Variants in TAB2 observed in about 807,000 individuals in gnomAD.
The protein encoded by TAB2 is TGF-beta-activated kinase 1 and MAP3K7-binding protein 2.
TAB2 carries 3 observed loss-of-function variants against 65.0 expected under a neutral mutation model. That is an observed-to-expected ratio of 0.05 (90% CI 0.02 to 0.12). The LOEUF (loss-of-function observed/expected upper bound fraction) is 0.12, where lower values mean the gene tolerates loss of function less well. Among genes scored for constraint, TAB2 ranks in the 10% least tolerant of loss-of-function variants. The probability of loss-of-function intolerance (pLI) is 1.00; values close to 1 mark genes in which losing one functional copy is unlikely to be tolerated. For missense variants in TAB2, 623 were observed against 840.3 expected (o/e 0.74, Z 3.20); for synonymous variants, 298 against 285.1 (o/e 1.05, Z -0.46).
chr6:149,240,201 A>G (rs557767709), intron 1 of TAB2, among the ~76,000 whole-genome samples: 6 of 152,218 alleles, frequency 3.9e-5, no homozygotes, highest in African/African-American at 1.4e-4. Flanking sequence ...GGCCTTACCC[A>G]TGTAATCTGA....
rs1777255263 is a variant in TAB2, at chr6:149,225,739, A to G, written c.-121+6963A>G. Among the ~76,000 whole-genome samples the G allele has an allele frequency of 3.3e-5, 5 of 152,290 alleles. No individual in the cohort carries two copies. In the South Asian group the frequency reaches 1.0e-3, roughly 32 times the overall value. ...TATAAAAATCACGAGGCAGTCGGTG[A>G]AAAGCAGCCATTCTTCCTGCTGGAG... On this transcript the variant is annotated intron_variant, in intron 1 of 1. Transcript: ENST00000606202.
chr6:149,242,622 T>C (rs1339891460), intron 1 of TAB2, among the ~76,000 whole-genome samples: 1 of 152,196 alleles, frequency 6.6e-6, no homozygotes, highest in East Asian at 1.9e-4. Context: ...TAAGAGAATT[T>C]CGATGTGAGA....
chr6:149,229,750 A>G (rs1288371528), intron 1 of TAB2, among the ~76,000 whole-genome samples: 1 of 152,134 alleles, frequency 6.6e-6, no homozygotes, highest in African/African-American at 2.4e-5. Flanking sequence ...GCAAGTCCTC[A>G]TCTTAAGTTT....
At chr6:149,287,898 T>C (rs893445769) in intron 1 of TAB2, among the ~76,000 whole-genome samples, 9 of 152,224 alleles carry the variant, frequency 5.9e-5, no homozygotes, top group Non-Finnish European at 4.4e-5. Flanking sequence ...TGGCAAAGCT[T>C]CACTAAATCG....
At chr6:149,406,636 A>C (rs1400997474) in intron 6 of TAB2, among the ~76,000 whole-genome samples, 2 of 152,202 alleles carry the variant, frequency 1.3e-5, no homozygotes, top group East Asian at 3.8e-4. Flanking sequence ...ACTGGTCTTT[A>C]GTTTGTTACA....
At chr6:149,319,446 A>G (rs1461673973) in intron 1 of TAB2, among the ~76,000 whole-genome samples, 1 of 152,246 alleles carries the variant, frequency 6.6e-6, no homozygotes, top group African/African-American at 2.4e-5. Context: ...GCTTTGGCTG[A>G]GCATTTTAAT....
At chr6:149,250,101 G>A (rs938113856) in intron 1 of TAB2, among the ~76,000 whole-genome samples, 1 of 152,042 alleles carries the variant, frequency 6.6e-6, no homozygotes, top group African/African-American at 2.4e-5. Context: ...AATAATAAAG[G>A]ACTGTGTGGC....
chr6:149,297,101 C>T (rs1312015584), intron 1 of TAB2, among the ~76,000 whole-genome samples: 2 of 151,938 alleles, frequency 1.3e-5, no homozygotes, highest in African/African-American at 4.8e-5. Context: ...CTCCTTCCTT[C>T]CCTCTCTTCT....
In TAB2 at chr6:149,371,509, A is replaced by T. The variant is rs190776553; in HGVS notation, c.102+1410A>T. On this transcript the variant is annotated intron_variant, in intron 2 of 6. Transcript: ENST00000637181. Reference sequence around the variant, plus strand: ...CACCAGCAATGCCTTTTCTTATAGTATAATGGTTAAGAGCATATCTTTTGG... The same window carrying T: ...CACCAGCAATGCCTTTTCTTATAGTTTAATGGTTAAGAGCATATCTTTTGG... 7.4e-4 allele frequency among the ~76,000 whole-genome samples: 112 copies of T among 152,330 alleles called. 2 individuals carry two copies. The highest frequency in any genetic ancestry group is 7.3e-3 in the Admixed American group (111 of 15,308).
chr6:149,407,643 C>G (rs1292470216), intron 6 of TAB2, among the ~76,000 whole-genome samples: 1 of 152,026 alleles, frequency 6.6e-6, no homozygotes, highest in Non-Finnish European at 1.5e-5. Context: ...GAAATTTAGT[C>G]CTTGAAGTCA....
chr6:149,248,260 C>T (rs1023395807), intron 1 of TAB2, among the ~76,000 whole-genome samples: 2 of 152,028 alleles, frequency 1.3e-5, no homozygotes, highest in Admixed American at 6.6e-5. Flanking sequence ...GGCGTGGTGG[C>T]AGGCGCCTGT....
intron 6 of TAB2, chr6:149,400,576 T>G (rs1157196104): frequency 6.2e-7 from 1 of 1,614,220 alleles, no homozygotes; most frequent in Non-Finnish European, 8.5e-7. Context: ...AGATTCCGAT[T>G]TGGTGGGCAA....
At chr6:149,288,638 T>C (rs1317462071) in intron 1 of TAB2, among the ~76,000 whole-genome samples, 2 of 152,212 alleles carry the variant, frequency 1.3e-5, no homozygotes, top group Non-Finnish European at 2.9e-5. Context: ...AATTGTACTA[T>C]GCATGAAGGA....
chr6:149,286,979 T>C (rs1778687363), intron 1 of TAB2, among the ~76,000 whole-genome samples: 1 of 151,870 alleles, frequency 6.6e-6, no homozygotes, highest in Non-Finnish European at 1.5e-5. Flanking sequence ...TAGCCAAGAA[T>C]GGTGGTAAGC....
chr6:149,250,023 G>A (rs1777826709), intron 1 of TAB2, among the ~76,000 whole-genome samples: 1 of 152,134 alleles, frequency 6.6e-6, no homozygotes, highest in Admixed American at 6.5e-5. Context: ...TCCTGGCAAA[G>A]GACAGGAAGG....
At chr6:149,370,225 T>C (rs952742736) in intron 2 of TAB2, 126 bp downstream of exon 2, 2 of 881,750 alleles carry the variant, frequency 2.3e-6, no homozygotes, top group Non-Finnish European at 3.6e-6. Context: ...GAGATAAGCT[T>C]TGGTGTCTGA....
At chr6:149,396,787 G>A (rs1782186185) in intron 3 of TAB2, among the ~76,000 whole-genome samples, 1 of 152,196 alleles carries the variant, frequency 6.6e-6, no homozygotes. Context: ...AATATAAGTG[G>A]CAATTGGGAT....
chr6:149,254,546 T>A (rs748956361), intron 1 of TAB2, among the ~76,000 whole-genome samples: 1 of 152,120 alleles, frequency 6.6e-6, no homozygotes, highest in African/African-American at 2.4e-5. Context: ...ATAAGGCTCA[T>A]GGTCATGATT....
intron 1 of TAB2, among the ~76,000 whole-genome samples, chr6:149,285,300 AG>A (rs775890545): frequency 3.9e-5 from 6 of 152,212 alleles, no homozygotes; most frequent in Non-Finnish European, 5.9e-5. Flanking sequence ...CTGGGGGTAA[AG>A]AGAGAAAGCT....
Sources: gnomAD v4.1 joint callset for allele counts (sites outside exome capture counted in the v4.1 genomes callset) on GRCh38, gnomAD v4.1.1 for gene constraint, MANE v1.5 for transcripts, NCBI Gene and HGNC (gene_info 2026-07-23, HGNC 2026-07-21) for gene names.